PRKAG3: variants seen among roughly 807,000 people sequenced by gnomAD.
PRKAG3 encodes 5'-AMP-activated protein kinase subunit gamma-3.
Under a neutral mutation model 56.5 loss-of-function variants are expected in PRKAG3, and 39 were observed. That is an observed-to-expected ratio of 0.69 (90% CI 0.53 to 0.90). The LOEUF (loss-of-function observed/expected upper bound fraction) is 0.90, where lower values mean the gene tolerates loss of function less well. Ranked by LOEUF, PRKAG3 falls within the 40% of genes least tolerant of loss-of-function variation. The pLI, the probability that PRKAG3 is intolerant of heterozygous loss-of-function variation, is 0.00. For missense variants in PRKAG3, 628 were observed against 627.5 expected, an observed-to-expected ratio of 1.00 and a Z score of -0.01; for synonymous variants, 243 against 250.1, an observed-to-expected ratio of 0.97 and a Z score of 0.27.
exon 1 of PRKAG3, chr2:218,831,767 C>T (rs751665377): frequency 1.9e-6 from 3 of 1,610,242 alleles, no homozygotes; most frequent in Non-Finnish European, 2.5e-6. Flanking sequence ...AGCCCGGGCT[C>T]CATGTGGCCA....
chr2:218,827,431 C>T lies in PRKAG3; in HGVS notation c.876-58G>A. ...GCCTAGGGAGAGACAACCTCCATCC[C>T]AGGCCCCTAAAAAGGAGGGCAGGGC... On this transcript the variant is annotated intron_variant, in intron 8 of 12. Coordinates refer to ENST00000529249, the Ensembl canonical transcript of PRKAG3. The surrounding 1 kb of genome is among the most constrained non-coding windows in gnomAD (Gnocchi z 5.3). 6.2e-7 allele frequency: 1 copy of T among 1,612,554 alleles called. No individual in the cohort carries two copies. The highest frequency in any genetic ancestry group is 8.5e-7 in the Non-Finnish European group (1 of 1,178,804).
chr2:218,828,739 G>A, intron 4 of PRKAG3, 139 bp from the exon 5 acceptor site: 1 of 640,502 alleles, frequency 1.6e-6, no homozygotes, highest in South Asian at 2.1e-5. Flanking sequence ...CCTTCTCCTG[G>A]ACCCTCCTCT....
exon 4 of PRKAG3, chr2:218,830,011 G>A (rs1177522735): frequency 6.2e-7 from 1 of 1,613,982 alleles, no homozygotes; most frequent in Non-Finnish European, 8.5e-7. Context: ...CTAGCTTGGA[G>A]CTAGTTGCCA....
At chr2:218,828,230 C>T (rs1360670637) in intron 5 of PRKAG3, among the ~76,000 whole-genome samples, 168 bp from the exon 6 acceptor site, 2 of 152,214 alleles carry the variant, frequency 1.3e-5, no homozygotes, top group African/African-American at 4.8e-5. Context: ...GGGGCTCTTT[C>T]TCTCCTGCCT....
chr2:218,827,685 G>A lies in PRKAG3; in HGVS notation c.821-56C>T. ...AGCCGGTCACCTGCCTCACCTTGCA[G>A]TCCCAGGCAGCTTCCCTTCCGTCAG... On this transcript the variant is annotated intron_variant, in intron 7 of 12. Transcript: ENST00000529249. This position sits in a 1 kb window ranked among gnomAD's most constrained non-coding sequence, Gnocchi z 5.3. 7 of 1,592,126 alleles carry A rather than the reference G, an allele frequency of 4.4e-6. No homozygotes were observed. Among genetic ancestry groups the A allele is most frequent in the Non-Finnish European group, 6.0e-6 (7 of 1,160,252 alleles).
At chr2:218,830,515 C>A in intron 3 of PRKAG3, 134 bp from the exon 4 acceptor site, 1 of 1,265,076 alleles carries the variant, frequency 7.9e-7, no homozygotes, top group Non-Finnish European at 1.1e-6. Flanking sequence ...GAGGGGCTGA[C>A]CTGAGAGTCG....
In PRKAG3 at chr2:218,827,396, C is replaced by A. The variant is rs375265469; in HGVS notation, c.876-23G>T. On this transcript the variant is annotated intron_variant, in intron 8 of 12. Coordinates refer to ENST00000529249, the Ensembl canonical transcript of PRKAG3. This position sits in a 1 kb window ranked among gnomAD's most constrained non-coding sequence, Gnocchi z 5.3. ...AGGCTGCAGAGATGGGAGCAGTGAG[C>A]CTCGGGGCAGCCTAGGGAGAGACAA... The A allele has an allele frequency of 3.5e-4, 571 of 1,614,002 alleles. 5 individuals are homozygous for A. In the South Asian group the frequency reaches 4.7e-3, roughly 13 times the overall value.
intron 10 of PRKAG3, chr2:218,826,505 G>T: frequency 4.3e-6 from 1 of 231,590 alleles, no homozygotes; most frequent in Non-Finnish European, 8.8e-6. Context: ...TGCCCAGGTT[G>T]GAGTGTCACT....
At position 218,827,557 on chromosome 2, in the gene PRKAG3, A is replaced by C. The variant is rs1401383171; in HGVS notation, c.875+18T>G. On this transcript the variant is annotated intron_variant, in intron 8 of 12. Transcript: ENST00000529249. The surrounding 1 kb of genome is among the most constrained non-coding windows in gnomAD (Gnocchi z 5.3). ...CTGTGGGAGGAGGAGGCTCAGGTGA[A>C]TGAGCAGAGACACCCACCTATCATT... The C allele has an allele frequency of 2.5e-6, 4 of 1,611,820 alleles. No individual in the cohort carries two copies. Among genetic ancestry groups the C allele is most frequent in the Non-Finnish European group, 3.4e-6 (4 of 1,177,984 alleles).
At chr2:218,823,346 G>A (rs1275904150) in exon 13 of PRKAG3, 1 of 278,880 alleles carries the variant, frequency 3.6e-6, no homozygotes, top group African/African-American at 2.2e-5. Flanking sequence ...TTCCTTCTAA[G>A]GGGATTTCCA....
chr2:218,824,581 A>AGAG lies in PRKAG3; in HGVS notation c.1169-8_1169-6dup. 6.2e-7 allele frequency: 1 copy of AGAG among 1,610,846 alleles called. No homozygotes were observed. Among genetic ancestry groups the AGAG allele is most frequent in the Non-Finnish European group, 8.5e-7 (1 of 1,177,018 alleles). ...AATAGAGGCCCACGACCTGACCTGC[A>AGAG]GAGGGTGGTTGTGGGGGGTGGGGGG... is the stretch of plus-strand genomic sequence containing the variant. On this transcript the variant is annotated splice_polypyrimidine_tract_variant and splice_region_variant and intron_variant, in intron 10 of 12. Transcript: ENST00000529249.
chr2:218,822,940 A>G (rs1043026610), downstream of PRKAG3: 2 of 985,588 alleles, frequency 2.0e-6, no homozygotes, highest in African/African-American at 3.5e-5. Flanking sequence ...GGGTAATCCT[A>G]GTGCCTCTGG....
chr2:218,823,924 C>G (rs370723595), intron 12 of PRKAG3, 46 bp from the exon 13 acceptor site: 103 of 1,562,962 alleles, frequency 6.6e-5, no homozygotes, highest in Non-Finnish European at 9.1e-5. Context: ...CATGGGGCTA[C>G]AGCAGCTACT....
Position 218,831,341 on chromosome 2 carries a change from T to C in PRKAG3, c.68A>G (p.His23Arg), listed in dbSNP as rs1259888887. The change falls in exon 2 of 13, where the codon CAT becomes CGT. Residue 23 changes from histidine (H) to arginine (R), a missense_variant. Physicochemically the swap from His to Arg is conservative, Grantham distance 29. Transcript: ENST00000529249. ...GGAGGGGGCATTCTCCCTACCTTGA[T>C]GCTCAGAACCCCCAAGGCTGCTCCA... 4.4e-6 allele frequency: 7 copies of C among 1,598,502 alleles called. 1 individual carries two copies. The South Asian group carries it at 7.9e-5, about 18-fold the overall frequency.
In PRKAG3 at chr2:218,827,303, C is replaced by A; in HGVS notation, c.946G>T (p.Gly316Cys). Residue 316 changes from glycine to cysteine, a missense_variant, in exon 9 of 13, where the codon GGC becomes TGC. By Grantham distance (159) the Gly-to-Cys change is radical. Transcript: ENST00000529249. This position sits in a 1 kb window ranked among gnomAD's most constrained non-coding sequence, Gnocchi z 5.3. ...TGTGTGAGGATGTGGAGTACGTTGC[C>A]TGACACCGGGTCAAGAACAGGCAGG... The A allele has an allele frequency of 6.2e-7, 1 of 1,614,194 alleles. No individual in the cohort carries two copies. The highest frequency in any genetic ancestry group is 1.1e-5 in the South Asian group (1 of 91,088).
exon 11 of PRKAG3, chr2:218,824,571 C>A: frequency 1.2e-6 from 2 of 1,612,164 alleles, no homozygotes; most frequent in Non-Finnish European, 1.7e-6. Flanking sequence ...AGGCCCACGA[C>A]CTGACCTGCA....
rs79361320 is a variant in PRKAG3, at chr2:218,827,464, C to T, written c.876-91G>A. 6.4e-3 allele frequency: 10,242 copies of T among 1,605,980 alleles called. 574 individuals are homozygous for T. In the African/African-American group the frequency reaches 0.12, roughly 18 times the overall value. ...TAAAAAGGAGGGCAGGGCACCAAGG[C>T]TCCCTTGTCTGTGTGCCGCCTAGGA... On this transcript the variant is annotated intron_variant, in intron 8 of 12. Coordinates refer to ENST00000529249, the Ensembl canonical transcript of PRKAG3. This position sits in a 1 kb window ranked among gnomAD's most constrained non-coding sequence, Gnocchi z 5.3.
At chr2:218,823,648 G>T (rs1014499879) in exon 13 of PRKAG3, 2 of 1,593,304 alleles carry the variant, frequency 1.3e-6, no homozygotes, top group African/African-American at 1.3e-5. Context: ...GAGCCTACCT[G>T]AATCATAGCT....
exon 13 of PRKAG3, chr2:218,823,718 C>T: frequency 6.2e-7 from 1 of 1,612,712 alleles, no homozygotes; most frequent in Non-Finnish European, 8.5e-7. Context: ...CCTTCATTGG[C>T]TTCCAGGTGT....
Sources: gnomAD v4.1 joint callset for allele counts (sites outside exome capture counted in the v4.1 genomes callset) on GRCh38, gnomAD v4.1.1 for gene constraint, Gnocchi (gnomAD v3.1) non-coding constraint, MANE v1.5 for transcripts, NCBI Gene and HGNC (gene_info 2026-07-23, HGNC 2026-07-21) for gene names.